Variants in DOLPP1 observed in about 807,000 individuals in gnomAD.
DOLPP1 encodes the protein dolichyldiphosphatase 1.
A neutral mutation model predicts 34.1 loss-of-function variants in DOLPP1; 15 were observed. The ratio of observed to expected loss-of-function variants is 0.44; its 90% CI spans 0.29 to 0.68. The LOEUF (loss-of-function observed/expected upper bound fraction) is 0.68. Among genes scored for constraint, DOLPP1 ranks in the 30% least tolerant of loss-of-function variants. The pLI, the probability that DOLPP1 is intolerant of heterozygous loss-of-function variation, is 0.12. For missense variants in DOLPP1, 249 were observed against 307.1 expected, an observed-to-expected ratio of 0.81 and a Z score of 1.41; for synonymous variants, 130 against 128.2, an observed-to-expected ratio of 1.01 and a Z score of -0.10.
chr9:129,083,725 G>C (rs1846932302), intron 1 of DOLPP1, among the ~76,000 whole-genome samples: 1 of 152,162 alleles, frequency 6.6e-6, no homozygotes, highest in African/African-American at 2.4e-5. Context: ...CCATCTCATT[G>C]AGTCTCATGC....
chr9:129,081,153 T>C lies in DOLPP1; in HGVS notation c.22T>C (p.Ser8Pro). Residue 8 changes from serine to proline, a missense_variant, in exon 1 of 8, where the codon TCG becomes CCG. Ser to Pro is a moderately conservative substitution (Grantham distance 74). Transcript: ENST00000372546. ...TAAGATGGCAGCGGACGGACAGTGC[T>C]CGCTCCCCGCTTCATGGCGGCCGGT... MAADGQC[S>P]LPASWRPVTL... The C allele has an allele frequency of 6.2e-7, 1 of 1,609,832 alleles. No individual in the cohort carries two copies. Among genetic ancestry groups the C allele is most frequent in the Non-Finnish European group, 8.5e-7 (1 of 1,179,470 alleles).
At chr9:129,086,877 G>T (rs1167429741) in intron 7 of DOLPP1, 79 bp downstream of exon 7, 7 of 1,249,472 alleles carry the variant, frequency 5.6e-6, no homozygotes, top group Non-Finnish European at 8.2e-6. Context: ...CTCTCCGGGA[G>T]CCTCGCGCCT....
Position 129,089,908 on chromosome 9 carries a change from G to A in DOLPP1, c.*901G>A, listed in dbSNP as rs540190414. ...CGAAGTCCCTCGTCCTTCCCTCTGT[G>A]TGCTCTGAATATGTCCTTGTCCTTC... On this transcript the variant is annotated 3_prime_UTR_variant, in exon 8 of 8. Transcript: ENST00000372546. The surrounding 1 kb of genome is among the most constrained non-coding windows in gnomAD (Gnocchi z 4.9). The A allele has an allele frequency of 6.6e-6, 1 of 152,534 alleles. No individual in the cohort carries two copies. The highest frequency in any genetic ancestry group is 1.9e-4 in the East Asian group (1 of 5,174). 9.4% of individuals were successfully genotyped at this position (152,534 alleles called of 1,614,324 possible). A position where few individuals can be genotyped will look rare whatever the true frequency, so the allele number is the denominator to read the frequency against.
chr9:129,084,161 C>T (rs1296265219), intron 1 of DOLPP1, among the ~76,000 whole-genome samples: 2 of 152,206 alleles, frequency 1.3e-5, no homozygotes, highest in Non-Finnish European at 2.9e-5. Context: ...TCCCTGGAGG[C>T]CCAGGGCTCA....
At position 129,086,119 on chromosome 9, in the gene DOLPP1, C is replaced by A; in HGVS notation, c.462-20C>A. 6.2e-7 allele frequency: 1 copy of A among 1,611,022 alleles called. No homozygotes were observed. The highest frequency in any genetic ancestry group is 1.1e-5 in the South Asian group (1 of 90,996). On this transcript the variant is annotated intron_variant, in intron 5 of 7. Coordinates refer to ENST00000372546, the MANE Select transcript of DOLPP1 (RefSeq NM_020438.5). Reference sequence around the variant, plus strand: ...GTGTCTGACTGGCTCTCACATACTTCGCTTCTGGCCTTGGCCCAGGGTCTA... The same window carrying A: ...GTGTCTGACTGGCTCTCACATACTTAGCTTCTGGCCTTGGCCCAGGGTCTA...
intron 1 of DOLPP1, among the ~76,000 whole-genome samples, chr9:129,082,091 G>T (rs1223494571): frequency 1.3e-5 from 2 of 152,194 alleles, no homozygotes; most frequent in Non-Finnish European, 2.9e-5. Context: ...TGCAGTTAAT[G>T]TTATCCCACC....
chr9:129,084,042 C>T (rs978199554), intron 1 of DOLPP1, among the ~76,000 whole-genome samples: 1 of 152,262 alleles, frequency 6.6e-6, no homozygotes, highest in South Asian at 2.1e-4. Flanking sequence ...AGGCAGTTTC[C>T]TGCCAGAGAA....
At chr9:129,084,495 G>A (rs10988199) in intron 1 of DOLPP1, 173 bp from the exon 2 acceptor site, 371,863 of 696,744 alleles carry the variant, frequency 0.53, 107,185 homozygotes, top group Non-Finnish European at 0.62. Context: ...ATCACGTATG[G>A]CTGTGACTGA....
At chr9:129,083,771 C>T (rs1846933023) in intron 1 of DOLPP1, among the ~76,000 whole-genome samples, 1 of 152,184 alleles carries the variant, frequency 6.6e-6, no homozygotes, top group Non-Finnish European at 1.5e-5. Context: ...CCCTATTCCA[C>T]AAGTGGGTGA....
Position 129,089,128 on chromosome 9 carries a change from C to CTT in DOLPP1, c.*129_*130dup. ...ACAGACCCAAGTCACCAAGTGGAGC[C>CTT]TTTTTTTTTCTTATTTTAATTTTAA... is the stretch of plus-strand genomic sequence containing the variant. On this transcript the variant is annotated 3_prime_UTR_variant, in exon 8 of 8. Transcript: ENST00000372546. This position sits in a 1 kb window ranked among gnomAD's most constrained non-coding sequence, Gnocchi z 4.9. The CTT allele has an allele frequency of 4.4e-6, 4 of 902,946 alleles. No individual in the cohort carries two copies. Among genetic ancestry groups the CTT allele is most frequent in the Non-Finnish European group, 6.8e-6 (4 of 590,296 alleles). 55.9% of individuals were successfully genotyped at this position (902,946 alleles called of 1,614,324 possible).
chr9:129,087,721 C>T (rs528109483), intron 7 of DOLPP1, among the ~76,000 whole-genome samples: 20 of 152,078 alleles, frequency 1.3e-4, no homozygotes, highest in East Asian at 1.2e-3. Flanking sequence ...TAGGGTGGGG[C>T]GTCCTAGCAG....
intron 2 of DOLPP1, 68 bp downstream of exon 2, chr9:129,084,836 GTCCGC>G (rs1237911921): frequency 1.2e-6 from 1 of 842,860 alleles, no homozygotes; most frequent in African/African-American, 3.2e-5. Flanking sequence ...TGGGAAGCCC[GTCCGC>G]CCCTCAGTCC....
intron 1 of DOLPP1, among the ~76,000 whole-genome samples, chr9:129,083,922 G>C (rs1400876152): frequency 1.3e-5 from 2 of 152,168 alleles, no homozygotes; most frequent in Non-Finnish European, 2.9e-5. Flanking sequence ...AGCCTCCCCT[G>C]CCCTTGGATT....
At chr9:129,088,872 G>C in intron 7 of DOLPP1, 99 bp from the exon 8 acceptor site, 2 of 1,215,096 alleles carry the variant, frequency 1.6e-6, no homozygotes, top group Non-Finnish European at 2.4e-6. Flanking sequence ...CTGGGTGTGG[G>C]CATTTGCCTA....
chr9:129,085,017 C>A lies in DOLPP1; in HGVS notation c.178-6C>A. ...GGCCCAGCTGACCATGCGTCTTCCC[C>A]AGCAGATCTCCTTCCTTGGGGGCCT... On this transcript the variant is annotated splice_region_variant and splice_polypyrimidine_tract_variant and intron_variant, in intron 2 of 7. Coordinates refer to ENST00000372546, the MANE Select transcript of DOLPP1 (RefSeq NM_020438.5). This position sits in a 1 kb window ranked among gnomAD's most constrained non-coding sequence, Gnocchi z 7.0. 6.4e-7 allele frequency: 1 copy of A among 1,560,006 alleles called. No homozygotes were observed. Among genetic ancestry groups the A allele is most frequent in the South Asian group, 1.2e-5 (1 of 81,386 alleles).
Position 129,085,539 on chromosome 9 carries a change from C to T in DOLPP1, c.384C>T (p.Ala128=), listed in dbSNP as rs1319852977. 1 of 1,613,704 alleles carries T rather than the reference C, an allele frequency of 6.2e-7. No individual in the cohort carries two copies. The change falls in exon 5 of 8, where the codon GCC becomes GCT. Residue 128 remains alanine (A), a synonymous_variant. Transcript: ENST00000372546. The surrounding 1 kb of genome is among the most constrained non-coding windows in gnomAD (Gnocchi z 7.0). ...GCAGAATGCACCAAACAAACAACGCCAGGTTCCTGGACTTGCTGTGGAGGC... is the reference window on the plus strand; with the variant it reads ...GCAGAATGCACCAAACAAACAACGCTAGGTTCCTGGACTTGCTGTGGAGGC... ...LYLRMHQTNN[A]RFLDLLWRHV... is the part of the protein sequence containing the mutation.
chr9:129,084,336 T>A (rs1291091045), intron 1 of DOLPP1, among the ~76,000 whole-genome samples: 2 of 152,254 alleles, frequency 1.3e-5, no homozygotes, highest in African/African-American at 4.8e-5. Context: ...TGGACTTTAG[T>A]CCTGGTCCCA....
In DOLPP1 at chr9:129,086,221, T is replaced by C. The variant is rs752462951; in HGVS notation, c.544T>C (p.Phe182Leu). ...CCTCATGGCCATCGCCTGGTTCATC[T>C]TCACCCAGGAGGTCCTCACCCCGCT... ...GGLMAIAWFI[F>L]TQEVLTPLFP... Residue 182 changes from phenylalanine to leucine, a missense_variant, in exon 6 of 8, where the codon TTC becomes CTC. By Grantham distance (22) the Phe-to-Leu change is conservative. Transcript: ENST00000372546. The C allele has an allele frequency of 1.9e-6, 3 of 1,613,456 alleles. No individual in the cohort carries two copies. Among genetic ancestry groups the C allele is most frequent in the Non-Finnish European group, 2.5e-6 (3 of 1,179,978 alleles).
Position 129,085,031 on chromosome 9 carries a change from C to T in DOLPP1, c.186C>T (p.Phe62=). The T allele has an allele frequency of 1.9e-6, 3 of 1,568,768 alleles. No individual in the cohort carries two copies. The highest frequency in any genetic ancestry group is 2.6e-6 in the Non-Finnish European group (3 of 1,158,278). The change falls in exon 3 of 8, where the codon TTC becomes TTT. Residue 62 remains phenylalanine (F), a synonymous_variant. Coordinates refer to ENST00000372546, the MANE Select transcript of DOLPP1 (RefSeq NM_020438.5). This position sits in a 1 kb window ranked among gnomAD's most constrained non-coding sequence, Gnocchi z 7.0. ...IFKRELHTIS[F]LGGLALNEGV... is the part of the protein sequence containing the mutation. ...TGCGTCTTCCCCAGCAGATCTCCTT[C>T]CTTGGGGGCCTGGCACTGAACGAGG...
Sources: allele counts gnomAD v4.1 joint callset (sites outside exome capture counted in the v4.1 genomes callset), GRCh38; gene constraint gnomAD v4.1.1; non-coding constraint Gnocchi (gnomAD v3.1); transcripts MANE v1.5; gene names NCBI Gene and HGNC (gene_info 2026-07-23, HGNC 2026-07-21).